SGCZ: variants seen among roughly 807,000 people sequenced by gnomAD.
SGCZ encodes the protein sarcoglycan zeta.
Under a neutral mutation model 41.3 loss-of-function variants are expected in SGCZ, and 40 were observed. That is an observed-to-expected ratio of 0.97 (90% CI 0.75 to 1.26). The LOEUF (loss-of-function observed/expected upper bound fraction) is 1.26. SGCZ is among the 50% of genes most tolerant of loss of function. The probability of loss-of-function intolerance (pLI) is 0.00; values close to 1 mark genes in which losing one functional copy is unlikely to be tolerated. For synonymous variants in SGCZ, 206 were observed against 137.5 expected, an observed-to-expected ratio of 1.50 and a Z score of -3.49; for missense variants, 552 against 369.8, an observed-to-expected ratio of 1.49 and a Z score of -4.04.
intron 1 of SGCZ, among the ~76,000 whole-genome samples, chr8:14,790,654 G>A (rs1051096615): frequency 2.0e-5 from 3 of 152,154 alleles, no homozygotes; most frequent in Non-Finnish European, 4.4e-5. Flanking sequence ...TAATAAGATT[G>A]ATTCCAGTAG....
chr8:14,314,717 G>C (rs1432208307), intron 3 of SGCZ, among the ~76,000 whole-genome samples: 2 of 152,098 alleles, frequency 1.3e-5, no homozygotes, highest in African/African-American at 4.8e-5. Context: ...ACACAAATTT[G>C]CATAAAGATT....
chr8:14,875,665 C>G (rs1804330560), intron 1 of SGCZ, among the ~76,000 whole-genome samples: 1 of 152,062 alleles, frequency 6.6e-6, no homozygotes, highest in Non-Finnish European at 1.5e-5. Context: ...CTCTGAGATT[C>G]CTTCCAGGTC....
chr8:14,628,797 C>T (rs1366697553), intron 1 of SGCZ, among the ~76,000 whole-genome samples: 1 of 152,094 alleles, frequency 6.6e-6, no homozygotes, highest in Non-Finnish European at 1.5e-5. Flanking sequence ...AATATGCAAA[C>T]TTCTGACTTA....
intron 1 of SGCZ, among the ~76,000 whole-genome samples, chr8:14,638,319 A>G (rs1303241935): frequency 6.6e-6 from 1 of 151,856 alleles, no homozygotes; most frequent in African/African-American, 2.4e-5. Context: ...TGCTTTTTGA[A>G]TGAATGAACT....
At chr8:14,961,003 A>G (rs535008039) in intron 1 of SGCZ, among the ~76,000 whole-genome samples, 3 of 152,076 alleles carry the variant, frequency 2.0e-5, no homozygotes, top group Admixed American at 2.0e-4. Context: ...TTTACATTTT[A>G]CAAAAGAAGA....
At chr8:15,041,122 T>C (rs1804079168) in intron 1 of SGCZ, among the ~76,000 whole-genome samples, 1 of 151,908 alleles carries the variant, frequency 6.6e-6, no homozygotes, top group Non-Finnish European at 1.5e-5. Context: ...GTGGCTTCCA[T>C]AATTTAAACC....
At chr8:14,340,603 C>T (rs7831457) in intron 2 of SGCZ, among the ~76,000 whole-genome samples, 19 of 151,970 alleles carry the variant, frequency 1.3e-4, no homozygotes, top group Admixed American at 5.9e-4. Context: ...ACTTGACAAA[C>T]GTTCACTGAG....
rs78520634 is a variant in SGCZ at position 14,362,793 on chromosome 8, G to A, written c.235-38589C>T. ...TTCTGTGTCTATCTCATTAGGAGCT[G>A]TAGACCGGAGCTGTTCCTATTTGGC... On this transcript the variant is annotated intron_variant, in intron 2 of 7. Transcript: ENST00000382080. 1.4e-3 allele frequency among the ~76,000 whole-genome samples: 206 copies of A among 152,012 alleles called. 1 individual carries two copies. The East Asian group carries it at 0.03, about 22-fold the overall frequency.
intron 1 of SGCZ, among the ~76,000 whole-genome samples, chr8:14,594,791 T>C (rs1805354532): frequency 2.6e-5 from 4 of 151,994 alleles, no homozygotes; most frequent in African/African-American, 9.7e-5. Context: ...AATTCAGTGT[T>C]TCCTGATTAA....
chr8:14,447,874 G>A (rs111290907), intron 2 of SGCZ, among the ~76,000 whole-genome samples: 1 of 152,046 alleles, frequency 6.6e-6, no homozygotes. Context: ...AGTTCATTCA[G>A]ACAAAATCAC....
At chr8:15,009,521 T>C (rs904193985) in intron 1 of SGCZ, among the ~76,000 whole-genome samples, 3 of 152,168 alleles carry the variant, frequency 2.0e-5, no homozygotes, top group African/African-American at 2.4e-5. Context: ...TTTCTCATTA[T>C]AGAATGAGGA....
intron 1 of SGCZ, among the ~76,000 whole-genome samples, chr8:14,649,353 T>G (rs1807323990): frequency 6.6e-6 from 1 of 152,116 alleles, no homozygotes; most frequent in South Asian, 2.1e-4. Context: ...AGCTGGGTGT[T>G]TTCCAGATAA....
At chr8:14,303,812 C>T (rs188784373) in intron 3 of SGCZ, among the ~76,000 whole-genome samples, 16 of 152,108 alleles carry the variant, frequency 1.1e-4, no homozygotes, top group East Asian at 9.7e-4. Flanking sequence ...AGTGAAGTGG[C>T]GCGATCTCGG....
chr8:15,035,517 T>C (rs374201414), intron 1 of SGCZ, among the ~76,000 whole-genome samples: 5 of 152,248 alleles, frequency 3.3e-5, no homozygotes, highest in African/African-American at 1.2e-4. Flanking sequence ...TTGCCTTAAA[T>C]GTAACTGGAT....
At chr8:14,232,214 CAAT>C (rs1806597599) in intron 4 of SGCZ, among the ~76,000 whole-genome samples, 1 of 151,658 alleles carries the variant, frequency 6.6e-6, no homozygotes, top group Non-Finnish European at 1.5e-5. Flanking sequence ...TGCAAATGAA[CAAT>C]CTTGAAACCT....
intron 1 of SGCZ, among the ~76,000 whole-genome samples, chr8:14,596,272 G>A (rs1035850694): frequency 2.0e-5 from 3 of 152,114 alleles, no homozygotes; most frequent in Non-Finnish European, 4.4e-5. Flanking sequence ...AAACTAGAAG[G>A]TTGTGCACTA....
At chr8:14,451,317 G>C (rs1467803203) in intron 2 of SGCZ, among the ~76,000 whole-genome samples, 1 of 152,102 alleles carries the variant, frequency 6.6e-6, no homozygotes, top group Non-Finnish European at 1.5e-5. Context: ...AGTGATCTTA[G>C]AATAGAAAAG....
At position 14,187,193 on chromosome 8, in the gene SGCZ, A is replaced by C. The variant is rs118108710; in HGVS notation, c.425-22491T>G. 2.6e-3 allele frequency among the ~76,000 whole-genome samples: 396 copies of C among 152,342 alleles called. 14 individuals carry two copies. In the East Asian group the frequency reaches 0.049, roughly 19 times the overall value. On this transcript the variant is annotated intron_variant, in intron 4 of 7. Coordinates refer to ENST00000382080, the MANE Select transcript of SGCZ (RefSeq NM_139167.4). ...AAATTAATCCAGTTCATCATTAAAC[A>C]AACAAGTAAACAAGTTCTAAGAGTT...
At chr8:15,235,489 T>C (rs1278425810) in intron 1 of SGCZ, among the ~76,000 whole-genome samples, 5 of 152,150 alleles carry the variant, frequency 3.3e-5, no homozygotes, top group Non-Finnish European at 7.4e-5. Context: ...ATTGCCAATA[T>C]ACCCCCTCAT....
Sources: gnomAD v4.1 joint callset for allele counts (sites outside exome capture counted in the v4.1 genomes callset) on GRCh38, gnomAD v4.1.1 for gene constraint, MANE v1.5 for transcripts, NCBI Gene and HGNC (gene_info 2026-07-23, HGNC 2026-07-21) for gene names.